The following MGAT4C variants were observed in gnomAD, a reference collection of about 807,000 sequenced individuals.
The protein encoded by MGAT4C is MGAT4 family member C.
MGAT4C carries 19 observed loss-of-function variants against 40.1 expected under a neutral mutation model. That is an observed-to-expected ratio of 0.47 (90% confidence interval 0.33 to 0.70). The LOEUF (loss-of-function observed/expected upper bound fraction) is 0.70, where lower values mean the gene tolerates loss of function less well. MGAT4C is among the 30% of genes least tolerant of loss of function. The pLI is 0.02. For synonymous variants in MGAT4C, 181 were observed against 187.1 expected (o/e 0.97, Z 0.27); for missense variants, 491 against 563.2 (o/e 0.87, Z 1.30).
intron 1 of MGAT4C, among the ~76,000 whole-genome samples, chr12:86,071,708 TGA>T (rs1868516291): frequency 6.6e-6 from 1 of 152,116 alleles, no homozygotes. Flanking sequence ...AACAATTGTA[TGA>T]GTTAGGAATT....
intron 2 of MGAT4C, among the ~76,000 whole-genome samples, chr12:86,459,918 T>C (rs1306902166): frequency 6.6e-6 from 1 of 152,014 alleles, no homozygotes; most frequent in South Asian, 2.1e-4. Context: ...TAACTCTTAA[T>C]TTGAATAACA....
chr12:86,311,718 G>A (rs990117547), intron 4 of MGAT4C, among the ~76,000 whole-genome samples: 1 of 152,172 alleles, frequency 6.6e-6, no homozygotes, highest in Non-Finnish European at 1.5e-5. Context: ...GTGTGTTTTA[G>A]AAGGTTTGAT....
At chr12:86,767,521 C>T (rs999667586) in intron 1 of MGAT4C, among the ~76,000 whole-genome samples, 1 of 152,098 alleles carries the variant, frequency 6.6e-6, no homozygotes, top group Non-Finnish European at 1.5e-5. Context: ...TTTTATGAGG[C>T]CAGCATCATC....
chr12:86,287,532 G>A (rs1179340344), intron 4 of MGAT4C, among the ~76,000 whole-genome samples: 1 of 152,030 alleles, frequency 6.6e-6, no homozygotes, highest in Non-Finnish European at 1.5e-5. Context: ...ACAGGCCCCA[G>A]TGTGTGATGT....
Position 86,577,149 on chromosome 12 carries a change from A to G in MGAT4C, c.-228-141884T>C, listed in dbSNP as rs190418178. ...ATATAGAAATGCTACTGATTTTTGT[A>G]CAATGATTTTGTATCCTGCAACTTT... On this transcript the variant is annotated intron_variant, in intron 2 of 7. Coordinates refer to the MGAT4C transcript ENST00000548651. Among the ~76,000 whole-genome samples the G allele has an allele frequency of 8.6e-5, 13 of 151,962 alleles. No homozygotes were observed. The East Asian group carries it at 2.1e-3, about 25-fold the overall frequency.
chr12:86,614,581 A>C (rs1360472212), intron 2 of MGAT4C, among the ~76,000 whole-genome samples: 3 of 151,996 alleles, frequency 2.0e-5, no homozygotes, highest in Non-Finnish European at 4.4e-5. Context: ...AAACTGTATA[A>C]ATTTAAATAC....
chr12:86,709,021 C>T (rs1309145450), intron 2 of MGAT4C, among the ~76,000 whole-genome samples: 2 of 152,074 alleles, frequency 1.3e-5, no homozygotes, highest in African/African-American at 4.8e-5. Context: ...AATGTGAGGA[C>T]ATGAGATTTG....
chr12:85,980,431 C>A lies in MGAT4C; in HGVS notation c.296-1G>T. On this transcript the variant is annotated splice_acceptor_variant, in intron 4 of 4. Transcript: ENST00000611864. LOFTEE classifies it high-confidence loss of function. ...GAAGAAAGTCCAATTGTAAGATACC[C>A]TGCAAAAAAGAATTCAGAAGCAATA... 1.3e-6 allele frequency: 2 copies of A among 1,564,364 alleles called. No individual in the cohort carries two copies. The highest frequency in any genetic ancestry group is 1.2e-5 in the South Asian group (1 of 82,896).
chr12:86,640,689 G>C (rs1369443368), intron 2 of MGAT4C, among the ~76,000 whole-genome samples: 1 of 151,816 alleles, frequency 6.6e-6, no homozygotes, highest in East Asian at 1.9e-4. Flanking sequence ...TTTTAATTGT[G>C]ATGTTAGGGT....
intron 1 of MGAT4C, among the ~76,000 whole-genome samples, chr12:86,204,602 T>C (rs770310552): frequency 1.9e-4 from 29 of 152,188 alleles, no homozygotes; most frequent in Non-Finnish European, 3.5e-4. Flanking sequence ...ATTTTGGCTG[T>C]AATTTCTGCT....
At chr12:86,061,391 T>C (rs1400296146) in intron 1 of MGAT4C, among the ~76,000 whole-genome samples, 1 of 152,040 alleles carries the variant, frequency 6.6e-6, no homozygotes, top group African/African-American at 2.4e-5. Context: ...TTGGTGCCTA[T>C]GCCACCAGGG....
intron 2 of MGAT4C, among the ~76,000 whole-genome samples, chr12:86,678,243 G>T (rs183237524): frequency 2.0e-5 from 3 of 151,888 alleles, no homozygotes; most frequent in Admixed American, 1.3e-4. Flanking sequence ...AGTCAATGGC[G>T]CCACCATCCT....
rs1439166271 is a variant in MGAT4C at position 85,965,309 on chromosome 12, C to G, written c.*13980G>C. The G allele has an allele frequency of 6.6e-6, 1 of 151,816 alleles. No individual in the cohort carries two copies. The highest frequency in any genetic ancestry group is 6.6e-5 in the Admixed American group (1 of 15,204). The allele number at this position is 151,816 out of a possible 1,614,324, so 9.4% of individuals were successfully genotyped here. On this transcript the variant is annotated 3_prime_UTR_variant, in exon 5 of 5. Coordinates refer to ENST00000611864, the MANE Select transcript of MGAT4C (RefSeq NM_001351288.2). ...AAAATCACGAACTTGGGAATAAGGA[C>G]ACTCTGGGCCCGGCGCGGTGGCTCA...
At chr12:86,408,109 C>G (rs1009288808) in intron 3 of MGAT4C, among the ~76,000 whole-genome samples, 75 of 152,114 alleles carry the variant, frequency 4.9e-4, no homozygotes, top group African/African-American at 1.7e-3. Context: ...CACGCACACA[C>G]ACACAACTGC....
intron 3 of MGAT4C, among the ~76,000 whole-genome samples, chr12:86,360,881 G>T (rs1955448653): frequency 6.6e-6 from 1 of 152,144 alleles, no homozygotes; most frequent in Non-Finnish European, 1.5e-5. Flanking sequence ...TGGATAGGAA[G>T]AATCAATATC....
intron 1 of MGAT4C, among the ~76,000 whole-genome samples, chr12:86,081,649 GTGACAATTTT>G (rs1870855677): frequency 6.6e-6 from 1 of 152,132 alleles, no homozygotes; most frequent in South Asian, 2.1e-4. Context: ...TGACAACTTA[GTGACAATTTT>G]CCCTGTTGCT....
intron 2 of MGAT4C, among the ~76,000 whole-genome samples, chr12:86,446,680 T>TATATATATATATATATATATAC (rs1565769367): frequency 1.9e-4 from 23 of 120,132 alleles, no homozygotes; most frequent in Non-Finnish European, 8.7e-5. Flanking sequence ...TATATATATA[T>TATATATATATATATATATATAC]ATATATATAT....
intron 1 of MGAT4C, among the ~76,000 whole-genome samples, chr12:86,172,597 C>T (rs1212769867): frequency 6.6e-6 from 1 of 151,956 alleles, no homozygotes; most frequent in African/African-American, 2.4e-5. Context: ...ACACTTAGAG[C>T]TAAAATATGC....
chr12:86,140,091 T>A (rs905162996), intron 1 of MGAT4C, among the ~76,000 whole-genome samples: 2 of 152,168 alleles, frequency 1.3e-5, no homozygotes, highest in African/African-American at 4.8e-5. Context: ...TGGCCTTAAA[T>A]TTCTTTTTTC....
Sources: allele counts gnomAD v4.1 joint callset (sites outside exome capture counted in the v4.1 genomes callset), GRCh38; gene constraint gnomAD v4.1.1; transcripts MANE v1.5; gene names NCBI Gene and HGNC (gene_info 2026-07-23, HGNC 2026-07-21).